The following TBRG4 variants were observed in gnomAD, a reference collection of about 807,000 sequenced individuals.
TBRG4 encodes the protein transforming growth factor beta regulator 4.
Under a neutral mutation model 65.6 loss-of-function variants are expected in TBRG4, and 43 were observed. The ratio of observed to expected loss-of-function variants is 0.66; its 90% CI spans 0.51 to 0.85. The LOEUF is 0.85. TBRG4 is among the 40% of genes least tolerant of loss of function. TBRG4 has a pLI of 0.00. For synonymous variants in TBRG4, 366 were observed against 341.4 expected, an observed-to-expected ratio of 1.07 and a Z score of -0.79; for missense variants, 709 against 787.9, an observed-to-expected ratio of 0.90 and a Z score of 1.20.
At chr7:45,111,301 A>G (rs1344631355) in intron 1 of TBRG4, 1 of 163,054 alleles carries the variant, frequency 6.1e-6, no homozygotes, top group African/African-American at 2.4e-5. Context: ...AGTAAACGGA[A>G]GCCCAGGAGC....
At position 45,101,495 on chromosome 7, in the gene TBRG4, C is replaced by A. The variant is rs1264059371; in HGVS notation, c.1679+8G>T. Reference sequence around the variant, plus strand: ...GCCCCCATGGCCAACAGGTCCCTGGCCACCTACCTCTTAGACCCTGGAGGT... The same window carrying A: ...GCCCCCATGGCCAACAGGTCCCTGGACACCTACCTCTTAGACCCTGGAGGT... On this transcript the variant is annotated splice_region_variant and intron_variant, in intron 9 of 10. Transcript: ENST00000258770. The A allele has an allele frequency of 1.2e-6, 2 of 1,611,690 alleles. No homozygotes were observed.
In TBRG4 at chr7:45,108,989, C is replaced by T. The variant is rs748207978; in HGVS notation, c.249G>A (p.Glu83=). The T allele has an allele frequency of 1.2e-6, 2 of 1,612,502 alleles. No individual in the cohort carries two copies. The highest frequency in any genetic ancestry group is 3.3e-5 in the Admixed American group (2 of 59,748). The part of the protein sequence containing the change: ...DHLIKKATRP[E]ELLELLGGSH... ...TGCCACCAAGTAGCTCCAGGAGCTC[C>T]TCTGGCCTTGTGGCCTTCTTGATGA... Residue 83 remains glutamate, a synonymous_variant, in exon 2 of 11, where the codon GAG becomes GAA. Transcript: ENST00000258770.
In TBRG4 at chr7:45,101,367, G is replaced by A. The variant is rs1784760613; in HGVS notation, c.1685C>T (p.Ala562Val). The change falls in exon 10 of 11, where the codon GCG becomes GTG. Residue 562 changes from alanine (A) to valine (V), a missense_variant. By Grantham distance (64) the Ala-to-Val change is moderately conservative. Transcript: ENST00000258770. ...GTTGGGGAACTCCCACCGCAAGAACGCTAGCCTGGAAGGAAGAAGAGGTGG... is the reference window on the plus strand; with the variant it reads ...GTTGGGGAACTCCCACCGCAAGAACACTAGCCTGGAAGGAAGAAGAGGTGG... ...QSPPPGSKRL[A>V]FLRWEFPNFN... The A allele has an allele frequency of 3.7e-6, 6 of 1,613,818 alleles. No homozygotes were observed. The highest frequency in any genetic ancestry group is 1.1e-5 in the South Asian group (1 of 91,078).
At chr7:45,105,133 C>G (rs1049971817) in intron 3 of TBRG4, 1 of 647,972 alleles carries the variant, frequency 1.5e-6, no homozygotes, top group Admixed American at 2.0e-5. Flanking sequence ...CAGGAGCTGC[C>G]TGCCATGCCC....
At chr7:45,104,931 C>A (rs182364100) in intron 3 of TBRG4, 2 of 823,662 alleles carry the variant, frequency 2.4e-6, no homozygotes, top group East Asian at 4.9e-5. Context: ...AACTTATCCC[C>A]AGGTCCCAGG....
chr7:45,100,740 T>C (rs2128643799), intron 10 of TBRG4, among the ~76,000 whole-genome samples: 1 of 152,308 alleles, frequency 6.6e-6, no homozygotes, highest in African/African-American at 2.4e-5. Flanking sequence ...ACAGAACCCT[T>C]GTGTGGCTCA....
Position 45,104,230 on chromosome 7 carries a change from C to T in TBRG4, c.934G>A (p.Val312Met). The change falls in exon 5 of 11, where the codon GTG (valine) becomes ATG (methionine). Residue 312 changes from valine (V) to methionine (M), a missense_variant. Val to Met is a conservative substitution (Grantham distance 21, BLOSUM62 1). Coordinates refer to ENST00000258770, the MANE Select transcript of TBRG4 (RefSeq NM_004749.4). ...YGKLSFHQTQ[V>M]SQRLATDLLS... Reference sequence around the variant, plus strand: ...AGGTCGGTGGCCAGGCGCTGGGACACCTGGGTCTGGTGAAAGCTGAGTTTG... The same window carrying T: ...AGGTCGGTGGCCAGGCGCTGGGACATCTGGGTCTGGTGAAAGCTGAGTTTG... 3 of 1,614,050 alleles carry T rather than the reference C, an allele frequency of 1.9e-6. No individual in the cohort carries two copies. The highest frequency in any genetic ancestry group is 2.5e-6 in the Non-Finnish European group (3 of 1,179,998).
At chr7:45,105,835 C>T (rs1784935871) in intron 2 of TBRG4, 71 bp from the exon 3 acceptor site, 2 of 1,502,142 alleles carry the variant, frequency 1.3e-6, no homozygotes, top group African/African-American at 2.8e-5. Context: ...GAGGCTACCT[C>T]TCTGAACCTT....
At position 45,100,138 on chromosome 7, in the gene TBRG4, G is replaced by A; in HGVS notation, c.*187C>T. ...GGTGACCAAGCCTGGGAAGGCCCCA[G>A]GGGTCCAACACCAAAATTAAAGGTT... On this transcript the variant is annotated 3_prime_UTR_variant, in exon 11 of 11. Transcript: ENST00000258770. The A allele has an allele frequency of 1.8e-6, 1 of 558,020 alleles. No homozygotes were observed. Among genetic ancestry groups the A allele is most frequent in the Non-Finnish European group, 3.2e-6 (1 of 315,632 alleles). The allele number at this position is 558,020 out of a possible 1,614,324, so 34.6% of individuals were successfully genotyped here.
chr7:45,103,048 A>G, intron 6 of TBRG4: 1 of 492,066 alleles, frequency 2.0e-6, no homozygotes, highest in Non-Finnish European at 3.7e-6. Context: ...ACATAGCACG[A>G]AGGCCCACTG....
rs1784830157 is a variant in TBRG4 at position 45,103,327 on chromosome 7, C to A, written c.1176+6G>T. 1 of 1,609,110 alleles carries A rather than the reference C, an allele frequency of 6.2e-7. No individual in the cohort carries two copies. The highest frequency in any genetic ancestry group is 1.1e-5 in the South Asian group (1 of 90,374). On this transcript the variant is annotated splice_donor_region_variant and intron_variant, in intron 6 of 10. Transcript: ENST00000258770. ...AGGTCGAGCAGTGGGAGCCCAGAGG[C>A]CCTACCAGGCTGAAGAACTGATCCT...
At chr7:45,109,631 G>A (rs1167070722) in intron 1 of TBRG4, among the ~76,000 whole-genome samples, 1 of 152,158 alleles carries the variant, frequency 6.6e-6, no homozygotes, top group Non-Finnish European at 1.5e-5. Context: ...ACACGACCTA[G>A]ACAGCATTAA....
At chr7:45,103,514 C>G (rs1324543689) in intron 5 of TBRG4, 71 bp from the exon 6 acceptor site, 14 of 1,265,282 alleles carry the variant, frequency 1.1e-5, no homozygotes, top group Non-Finnish European at 1.6e-5. Context: ...CTGCCTGGCT[C>G]TGAGTCTGAG....
chr7:45,101,500 T>C lies in TBRG4; in HGVS notation c.1679+3A>G. 2 of 1,612,742 alleles carry C rather than the reference T, an allele frequency of 1.2e-6. No homozygotes were observed. Among genetic ancestry groups the C allele is most frequent in the Non-Finnish European group, 1.7e-6 (2 of 1,179,362 alleles). ...CATGGCCAACAGGTCCCTGGCCACCTACCTCTTAGACCCTGGAGGTGGTGA... is the reference window on the plus strand; with the variant it reads ...CATGGCCAACAGGTCCCTGGCCACCCACCTCTTAGACCCTGGAGGTGGTGA... On this transcript the variant is annotated splice_donor_region_variant and intron_variant, in intron 9 of 10. Transcript: ENST00000258770.
intron 7 of TBRG4, 90 bp downstream of exon 7, chr7:45,102,257 C>A: frequency 6.3e-7 from 1 of 1,580,544 alleles, no homozygotes; most frequent in Non-Finnish European, 8.6e-7. Flanking sequence ...AGAGCCCTGG[C>A]CTCCATCTGC....
Position 45,104,319 on chromosome 7 carries a change from A to T in TBRG4, c.908-63T>A, listed in dbSNP as rs557450454. On this transcript the variant is annotated intron_variant, in intron 4 of 10. Coordinates refer to ENST00000258770, the MANE Select transcript of TBRG4 (RefSeq NM_004749.4). ...GAGTCAGCAATCACCCAGCAGCTCC[A>T]CCCCACCTCAGCCTCGAGGTCTAGA... 15 of 1,608,976 alleles carry T rather than the reference A, an allele frequency of 9.3e-6. No individual in the cohort carries two copies. The South Asian group carries it at 1.5e-4, about 17-fold the overall frequency.
chr7:45,102,221 G>A (rs1784787727), intron 7 of TBRG4, 126 bp downstream of exon 7: 1 of 1,545,910 alleles, frequency 6.5e-7, no homozygotes, highest in South Asian at 1.2e-5. Context: ...CACCTACAGG[G>A]AGAGGATGGA....
At chr7:45,107,122 G>A (rs942659483) in intron 2 of TBRG4, 2 of 152,078 alleles carry the variant, frequency 1.3e-5, no homozygotes, top group South Asian at 2.1e-4. Flanking sequence ...CAAATGCAGA[G>A]GCCTCCTAGG....
At position 45,101,811 on chromosome 7, in the gene TBRG4, G is replaced by A. The variant is rs774748820; in HGVS notation, c.1567+14C>T. 3 of 1,603,006 alleles carry A rather than the reference G, an allele frequency of 1.9e-6. No individual in the cohort carries two copies. The highest frequency in any genetic ancestry group is 2.2e-5 in the South Asian group (2 of 91,010). Reference sequence around the variant, plus strand: ...GCAATGCCAGGCCCTGTGCCAACCAGGGGGAGCCCTCACCCAGCACCCAGC... The same window carrying A: ...GCAATGCCAGGCCCTGTGCCAACCAAGGGGAGCCCTCACCCAGCACCCAGC... On this transcript the variant is annotated intron_variant, in intron 8 of 10. Coordinates refer to ENST00000258770, the MANE Select transcript of TBRG4 (RefSeq NM_004749.4).
Sources: allele counts gnomAD v4.1 joint callset (sites outside exome capture counted in the v4.1 genomes callset), GRCh38; gene constraint gnomAD v4.1.1; transcripts MANE v1.5; gene names NCBI Gene and HGNC (gene_info 2026-07-23, HGNC 2026-07-21).